CDH9: variants seen among roughly 807,000 people sequenced by gnomAD.
CDH9 encodes the protein cadherin-9.
CDH9 carries 28 observed loss-of-function variants against 70.9 expected under a neutral mutation model. That is an observed-to-expected ratio of 0.40 (90% CI 0.29 to 0.54). The LOEUF (loss-of-function observed/expected upper bound fraction) is 0.54, where lower values mean the gene tolerates loss of function less well. Among genes scored for constraint, CDH9 ranks in the 20% least tolerant of loss-of-function variants. CDH9 has a pLI of 0.59. For missense variants in CDH9, 874 were observed against 984.4 expected, an observed-to-expected ratio of 0.89 and a Z score of 1.50; for synonymous variants, 409 against 343.1, an observed-to-expected ratio of 1.19 and a Z score of -2.12.
At chr5:26,884,910 C>T (rs35471200) in intron 11 of CDH9, among the ~76,000 whole-genome samples, 49,403 of 151,936 alleles carry the variant, frequency 0.33, 8,589 homozygotes, top group Middle Eastern at 0.52. Flanking sequence ...TGGAACATGA[C>T]TTTATTTAGA....
chr5:26,998,626 T>C (rs1442290388), intron 1 of CDH9, among the ~76,000 whole-genome samples: 1 of 152,024 alleles, frequency 6.6e-6, no homozygotes, highest in Non-Finnish European at 1.5e-5. Context: ...ATATACTTAA[T>C]GTTAAATGAT....
rs756529004 is a variant in CDH9, at chr5:27,034,804, A to C, written c.-50+3659T>G. 7.8e-4 allele frequency among the ~76,000 whole-genome samples: 118 copies of C among 151,642 alleles called. 1 individual carries two copies. Among genetic ancestry groups the C allele is most frequent in the Non-Finnish European group, 1.3e-3 (87 of 67,794 alleles). Reference sequence around the variant, plus strand: ...TAGAAGACTATGTCTTACTAGTGCTAAATTTAGGGATAAGTGCATTAACAT... The same window carrying C: ...TAGAAGACTATGTCTTACTAGTGCTCAATTTAGGGATAAGTGCATTAACAT... On this transcript the variant is annotated intron_variant, in intron 1 of 11. Transcript: ENST00000231021.
intron 1 of CDH9, among the ~76,000 whole-genome samples, chr5:26,990,887 A>G (rs1406190733): frequency 6.6e-6 from 1 of 152,188 alleles, no homozygotes; most frequent in Non-Finnish European, 1.5e-5. Context: ...AGTTCTAACT[A>G]TGATGCCCAT....
chr5:26,929,864 G>A (rs1426784014), intron 2 of CDH9, among the ~76,000 whole-genome samples: 2 of 151,990 alleles, frequency 1.3e-5, no homozygotes, highest in Non-Finnish European at 2.9e-5. Context: ...ATCGAATGGG[G>A]AGGAAGGGGA....
At chr5:26,948,670 T>A (rs1741794518) in intron 2 of CDH9, among the ~76,000 whole-genome samples, 1 of 152,214 alleles carries the variant, frequency 6.6e-6, no homozygotes, top group South Asian at 2.1e-4. Context: ...GTTCCTGTTA[T>A]TAATATATGG....
rs575409659 is a variant in CDH9 at position 27,018,289 on chromosome 5, G to A, written c.-50+20174C>T. On this transcript the variant is annotated intron_variant, in intron 1 of 11. Coordinates refer to ENST00000231021, the MANE Select transcript of CDH9 (RefSeq NM_016279.4). ...ATATTGTATATAGAATTTTCCTCAC[G>A]TATGTATCATCTTGATTTAAATACA... Among the ~76,000 whole-genome samples, 8 of 151,336 alleles carry A rather than the reference G, an allele frequency of 5.3e-5. No homozygotes were observed. The South Asian group carries it at 8.3e-4, about 16-fold the overall frequency.
At chr5:27,009,228 G>A (rs571475360) in intron 1 of CDH9, among the ~76,000 whole-genome samples, 3 of 152,252 alleles carry the variant, frequency 2.0e-5, no homozygotes, top group East Asian at 1.9e-4. Flanking sequence ...GAGGATCGGG[G>A]ATAGTGAGAG....
At chr5:26,916,949 A>G (rs1057087884) in intron 2 of CDH9, among the ~76,000 whole-genome samples, 2 of 151,972 alleles carry the variant, frequency 1.3e-5, no homozygotes, top group Non-Finnish European at 2.9e-5. Flanking sequence ...TTATGTTTTC[A>G]TAAATTATCT....
chr5:27,026,907 T>C (rs546004521), intron 1 of CDH9, among the ~76,000 whole-genome samples: 234 of 152,104 alleles, frequency 1.5e-3, no homozygotes, highest in African/African-American at 4.0e-3. Flanking sequence ...ATAAAATCCT[T>C]ATATAAATGA....
At chr5:26,959,256 G>C (rs1053065493) in intron 2 of CDH9, among the ~76,000 whole-genome samples, 3 of 152,094 alleles carry the variant, frequency 2.0e-5, no homozygotes, top group African/African-American at 7.2e-5. Context: ...TATAAAAAAT[G>C]CTCTATGAGA....
intron 2 of CDH9, among the ~76,000 whole-genome samples, chr5:26,924,128 G>T (rs10040714): frequency 0.096 from 14,543 of 151,680 alleles, 878 homozygotes; most frequent in East Asian, 0.17. Flanking sequence ...GTTGAAAAGA[G>T]AAACAAAATC....
chr5:26,973,598 A>C (rs994920670), intron 2 of CDH9, among the ~76,000 whole-genome samples: 3 of 152,108 alleles, frequency 2.0e-5, no homozygotes, highest in Admixed American at 6.6e-5. Flanking sequence ...TCCATGGCCA[A>C]AGCTTTTCGA....
rs529735585 is a variant in CDH9 at position 27,037,574 on chromosome 5, C to A, written c.-50+889G>T. On this transcript the variant is annotated intron_variant, in intron 1 of 11. Coordinates refer to ENST00000231021, the MANE Select transcript of CDH9 (RefSeq NM_016279.4). ...GATGACCTTATAGCTAAAATCCAAG[C>A]CTTTATTGAGACGAGCCTACCTGCA... Among the ~76,000 whole-genome samples, 7 of 152,028 alleles carry A rather than the reference C, an allele frequency of 4.6e-5. No homozygotes were observed. In the South Asian group the frequency reaches 1.5e-3, roughly 32 times the overall value.
chr5:27,011,054 A>G (rs1466130083), intron 1 of CDH9, among the ~76,000 whole-genome samples: 2 of 152,060 alleles, frequency 1.3e-5, no homozygotes, highest in Non-Finnish European at 2.9e-5. Context: ...ACTTGCATTC[A>G]CATTTCAATG....
chr5:27,033,937 A>G (rs1327481507), intron 1 of CDH9, among the ~76,000 whole-genome samples: 1 of 151,522 alleles, frequency 6.6e-6, no homozygotes, highest in African/African-American at 2.4e-5. Flanking sequence ...ACACTTTGTT[A>G]TATGCATTAT....
chr5:26,915,743 C>T lies in CDH9; in HGVS notation c.410G>A (p.Arg137Gln), dbSNP rs150604531. 210 of 1,613,346 alleles carry T rather than the reference C, an allele frequency of 1.3e-4. No individual in the cohort carries two copies. Among genetic ancestry groups the T allele is most frequent in the South Asian group, 5.4e-4 (49 of 91,082 alleles). Residue 137 changes from arginine to glutamine, a missense_variant, in exon 3 of 12, where the codon CGG becomes CAG. Physicochemically the swap from Arg to Gln is conservative, Grantham distance 43. Transcript: ENST00000231021. ...RAKAIDRKTG[R>Q]QVEPESEFII... ...AAATTCCGATTCCGGTTCCACCTGC[C>T]GCCCAGTTTTTCTGTCTATAGCCTT...
Position 26,890,581 on chromosome 5 carries a change from T to A in CDH9, c.1254-17A>T. 6.3e-7 allele frequency: 1 copy of A among 1,585,768 alleles called. No homozygotes were observed. Among genetic ancestry groups the A allele is most frequent in the African/African-American group, 1.3e-5 (1 of 74,476 alleles). On this transcript the variant is annotated splice_polypyrimidine_tract_variant and intron_variant, in intron 7 of 11. Transcript: ENST00000231021. ...ACAGAGTACCTGGCAGAAGACAGACTCATAAATCCAGGCATTCTTCTAAGG... is the reference window on the plus strand; with the variant it reads ...ACAGAGTACCTGGCAGAAGACAGACACATAAATCCAGGCATTCTTCTAAGG...
chr5:26,977,292 G>C (rs1489471834), intron 2 of CDH9, among the ~76,000 whole-genome samples: 1 of 151,846 alleles, frequency 6.6e-6, no homozygotes, highest in Non-Finnish European at 1.5e-5. Context: ...AAGTCACAGT[G>C]ATCTTCTAAA....
intron 2 of CDH9, among the ~76,000 whole-genome samples, chr5:26,969,830 A>G (rs1023062218): frequency 2.1e-5 from 3 of 144,194 alleles, no homozygotes; most frequent in Non-Finnish European, 3.0e-5. Context: ...AAGATCTTAG[A>G]TGTTCATTTT....
Sources: allele counts gnomAD v4.1 joint callset (sites outside exome capture counted in the v4.1 genomes callset), GRCh38; gene constraint gnomAD v4.1.1; transcripts MANE v1.5; gene names NCBI Gene and HGNC (gene_info 2026-07-23, HGNC 2026-07-21).